The following TANC2 variants were observed in gnomAD, a reference collection of about 807,000 sequenced individuals.
The protein encoded by TANC2 is protein TANC2.
TANC2 carries 26 observed loss-of-function variants against 210.5 expected under a neutral mutation model. The observed-to-expected ratio is 0.12, with a 90% confidence interval of 0.09 to 0.17. The LOEUF (loss-of-function observed/expected upper bound fraction) is 0.17, where lower values mean the gene tolerates loss of function less well. Ranked by LOEUF, TANC2 falls within the 10% of genes least tolerant of loss-of-function variation. The pLI, the probability that TANC2 is intolerant of heterozygous loss-of-function variation, is 1.00. For missense variants in TANC2, 2,129 were observed against 2,608.9 expected (o/e 0.82, Z 4.01); for synonymous variants, 931 against 967.1 (o/e 0.96, Z 0.69).
chr17:63,175,347 C>T (rs1216002167), intron 5 of TANC2, among the ~76,000 whole-genome samples: 1 of 151,898 alleles, frequency 6.6e-6, no homozygotes, highest in Non-Finnish European at 1.5e-5. Flanking sequence ...GGCAACCTAG[C>T]AAGATCCGGT....
intron 1 of TANC2, among the ~76,000 whole-genome samples, chr17:62,973,582 A>T (rs1393096752): frequency 6.6e-6 from 1 of 152,202 alleles, no homozygotes; most frequent in Non-Finnish European, 1.5e-5. Context: ...CACCATCTAA[A>T]ATATTACTCA....
chr17:63,380,832 A>G (rs1265656157), intron 15 of TANC2, among the ~76,000 whole-genome samples: 3 of 152,242 alleles, frequency 2.0e-5, no homozygotes, highest in African/African-American at 7.2e-5. Context: ...GATGGACAGA[A>G]GTGAAACCCA....
intron 16 of TANC2, among the ~76,000 whole-genome samples, chr17:63,388,994 C>T (rs935808665): frequency 6.6e-6 from 1 of 152,040 alleles, no homozygotes; most frequent in Admixed American, 6.6e-5. Context: ...CCTGCTGGTT[C>T]CAAAGAGTAA....
At chr17:63,002,693 T>C (rs73991865) in intron 1 of TANC2, among the ~76,000 whole-genome samples, 1,913 of 152,340 alleles carry the variant, frequency 0.013, 41 homozygotes, top group African/African-American at 0.044. Context: ...ATTCTGATTT[T>C]TTTGGCATAG....
At chr17:63,114,078 T>A (rs180671212) in intron 4 of TANC2, among the ~76,000 whole-genome samples, 1 of 152,352 alleles carries the variant, frequency 6.6e-6, no homozygotes, top group East Asian at 1.9e-4. Context: ...GTGTATCTTA[T>A]GGCTCAGTAT....
chr17:63,421,265 A>G lies in TANC2; in HGVS notation c.5535A>G (p.Glu1845=). Residue 1845 remains glutamate, a synonymous_variant, in exon 28 of 28, where the codon GAA becomes GAG. Transcript: ENST00000689528. This position sits in a 1 kb window ranked among gnomAD's most constrained non-coding sequence, Gnocchi z 6.9. ...GACCTATCAGTGTCAACCCTAACGA[A>G]ATCAAACCGCACCCGCCAACTCCCA... 6.2e-7 allele frequency: 1 copy of G among 1,613,870 alleles called. No homozygotes were observed. Among genetic ancestry groups the G allele is most frequent in the Middle Eastern group, 1.6e-4 (1 of 6,062 alleles).
intron 9 of TANC2, among the ~76,000 whole-genome samples, chr17:63,286,061 A>G (rs531242436): frequency 3.3e-5 from 5 of 152,208 alleles, no homozygotes; most frequent in South Asian, 2.1e-4. Flanking sequence ...CCCAACTTCT[A>G]TGTTGTTGTT....
intron 14 of TANC2, among the ~76,000 whole-genome samples, chr17:63,377,596 A>G (rs2047465639): frequency 6.6e-6 from 1 of 152,180 alleles, no homozygotes; most frequent in Non-Finnish European, 1.5e-5. Context: ...GGTCAAAGCC[A>G]TTCAACAAGT....
At chr17:63,371,235 C>T (rs897711540) in intron 14 of TANC2, among the ~76,000 whole-genome samples, 1 of 152,102 alleles carries the variant, frequency 6.6e-6, no homozygotes, top group African/African-American at 2.4e-5. Context: ...GAGGCCGAGG[C>T]AGGTGGATCA....
Position 63,351,336 on chromosome 17 carries a change from A to G in TANC2, c.1894A>G (p.Ile632Val), listed in dbSNP as rs372829353. 50 of 1,611,354 alleles carry G rather than the reference A, an allele frequency of 3.1e-5. No individual in the cohort carries two copies. The African/African-American group carries it at 3.9e-4, about 12-fold the overall frequency. The stretch of plus-strand genomic sequence containing the variant: ...TCACAAACCGGATTATGGGGATACA[A>G]TTGTATCGTTTCTGAGTAAAATGAT... The change falls in exon 13 of 28, where the codon ATT (isoleucine) becomes GTT (valine). Residue 632 changes from isoleucine (I) to valine (V), a missense_variant. By Grantham distance (29) the Ile-to-Val change is conservative. This residue lies in a region of TANC2 where 739 missense variants were observed against 848.0 expected (regional missense o/e 0.87). Transcript: ENST00000689528.
At chr17:63,183,453 G>A (rs940811023) in intron 5 of TANC2, among the ~76,000 whole-genome samples, 7 of 152,162 alleles carry the variant, frequency 4.6e-5, no homozygotes, top group African/African-American at 1.7e-4. Context: ...TCTAGTTGTG[G>A]ATGAATGCTA....
rs564599783 is a variant in TANC2, at chr17:63,190,184, A to T, written c.434-3807A>T. On this transcript the variant is annotated intron_variant, in intron 5 of 27. Transcript: ENST00000689528. ...GCACCATCTCTACAAAAAAATTTTTAAAAAAATTATCCAGGCATGGCAGTG... is the reference window on the plus strand; with the variant it reads ...GCACCATCTCTACAAAAAAATTTTTTAAAAAATTATCCAGGCATGGCAGTG... Among the ~76,000 whole-genome samples the T allele has an allele frequency of 2.1e-3, 318 of 152,148 alleles. 1 individual carries two copies. The highest frequency in any genetic ancestry group is 7.1e-3 in the African/African-American group (294 of 41,488).
At chr17:63,026,270 G>A (rs1015317152) in intron 2 of TANC2, among the ~76,000 whole-genome samples, 2 of 152,086 alleles carry the variant, frequency 1.3e-5, no homozygotes, top group African/African-American at 4.8e-5. Context: ...CAAGTTTCAT[G>A]TAAGTCCATT....
chr17:62,988,862 C>T (rs1416420646), intron 1 of TANC2, among the ~76,000 whole-genome samples: 3 of 152,134 alleles, frequency 2.0e-5, no homozygotes, highest in African/African-American at 7.2e-5. Flanking sequence ...AGGAACTGAG[C>T]ATTAGACACC....
intron 7 of TANC2, among the ~76,000 whole-genome samples, chr17:63,206,882 G>A (rs2041731427): frequency 6.6e-6 from 1 of 152,068 alleles, no homozygotes; most frequent in Non-Finnish European, 1.5e-5. Context: ...TTTATGTCGT[G>A]TATATTTTAC....
chr17:63,051,168 T>G (rs1009706965), intron 2 of TANC2, among the ~76,000 whole-genome samples: 2 of 152,244 alleles, frequency 1.3e-5, no homozygotes, highest in African/African-American at 4.8e-5. Flanking sequence ...ATGAATAATA[T>G]TTATGCCTTT....
At chr17:63,106,712 T>C (rs2037837649) in intron 4 of TANC2, among the ~76,000 whole-genome samples, 1 of 151,784 alleles carries the variant, frequency 6.6e-6, no homozygotes, top group Non-Finnish European at 1.5e-5. Flanking sequence ...ATCAAACAAA[T>C]AATCCTTTTG....
At chr17:63,047,251 T>C (rs539445162) in intron 2 of TANC2, among the ~76,000 whole-genome samples, 1 of 152,266 alleles carries the variant, frequency 6.6e-6, no homozygotes, top group Non-Finnish European at 1.5e-5. Flanking sequence ...CAATTAGAAA[T>C]GAAGCTGGAA....
At chr17:63,146,255 T>C (rs1296345830) in intron 4 of TANC2, among the ~76,000 whole-genome samples, 3 of 152,178 alleles carry the variant, frequency 2.0e-5, no homozygotes, top group African/African-American at 7.2e-5. Context: ...GAGTTGATTA[T>C]GTATCCTGCA....
Sources: allele counts gnomAD v4.1 joint callset (sites outside exome capture counted in the v4.1 genomes callset), GRCh38; gene constraint gnomAD v4.1.1; regional missense constraint gnomAD v4.1.1; non-coding constraint Gnocchi (gnomAD v3.1); transcripts MANE v1.5; gene names NCBI Gene and HGNC (gene_info 2026-07-23, HGNC 2026-07-21).